The following ACSBG1 variants were observed in gnomAD, a reference collection of about 807,000 sequenced individuals.
ACSBG1 encodes long-chain-fatty-acid--CoA ligase ACSBG1.
A neutral mutation model predicts 80.2 loss-of-function variants in ACSBG1; 39 were observed. The observed-to-expected ratio is 0.49, with a 90% CI of 0.38 to 0.64. ACSBG1 has a LOEUF of 0.64. ACSBG1 is among the 30% of genes least tolerant of loss of function. The probability of loss-of-function intolerance (pLI) is 0.00; values close to 1 mark genes in which losing one functional copy is unlikely to be tolerated. For missense variants in ACSBG1, 828 were observed against 966.4 expected, an observed-to-expected ratio of 0.86 and a Z score of 1.90; for synonymous variants, 392 against 379.5, an observed-to-expected ratio of 1.03 and a Z score of -0.38.
At chr15:78,233,467 C>A (rs866244072) in intron 1 of ACSBG1, among the ~76,000 whole-genome samples, 6 of 152,178 alleles carry the variant, frequency 3.9e-5, no homozygotes, top group African/African-American at 1.2e-4. Flanking sequence ...TGGTATTTAG[C>A]CCCTGTCCTC....
At chr15:78,228,648 C>T (rs1324996498) in intron 1 of ACSBG1, among the ~76,000 whole-genome samples, 1 of 152,206 alleles carries the variant, frequency 6.6e-6, no homozygotes, top group Non-Finnish European at 1.5e-5. Flanking sequence ...TTGGTTTGCC[C>T]TAGAGACTCA....
At chr15:78,203,601 G>C (rs908243132) in intron 2 of ACSBG1, among the ~76,000 whole-genome samples, 1 of 152,198 alleles carries the variant, frequency 6.6e-6, no homozygotes, top group African/African-American at 2.4e-5. Flanking sequence ...TTATGCTGGG[G>C]GCCACTGGGC....
chr15:78,201,028 T>C (rs1052829200), intron 2 of ACSBG1, among the ~76,000 whole-genome samples: 6 of 152,194 alleles, frequency 3.9e-5, no homozygotes, highest in Non-Finnish European at 2.9e-5. Context: ...CTGCCTGCAA[T>C]GCCCTTCCCT....
Position 78,179,815 on chromosome 15 carries a change from TCACACACACACACA to T in ACSBG1, c.1254-49_1254-36del, listed in dbSNP as rs58848105. ...GAGGGAGAATGGTTCACAGAAGAAATCACACACACACACACACACACACACACATACACACATTA... is the reference window on the plus strand; with the variant it reads ...GAGGGAGAATGGTTCACAGAAGAAATCACACACACACACATACACACATTA... On this transcript the variant is annotated intron_variant, in intron 9 of 13. Transcript: ENST00000258873. The T allele has an allele frequency of 1.4e-4, 128 of 932,972 alleles. 1 individual carries two copies. In the Admixed American group the frequency reaches 1.6e-3, roughly 12 times the overall value. The allele number at this position is 932,972 out of a possible 1,614,324, so 57.8% of individuals were successfully genotyped here.
intron 2 of ACSBG1, among the ~76,000 whole-genome samples, chr15:78,195,934 A>G (rs989007451): frequency 3.3e-5 from 5 of 152,150 alleles, no homozygotes; most frequent in African/African-American, 1.2e-4. Flanking sequence ...TGACACTCTT[A>G]GGTTGCATGC....
chr15:78,192,383 AAC>A (rs893547183), intron 5 of ACSBG1, among the ~76,000 whole-genome samples: 6 of 152,122 alleles, frequency 3.9e-5, no homozygotes, highest in Non-Finnish European at 8.8e-5. Flanking sequence ...TCTGAGTTTA[AAC>A]CCTGCTCAGA....
intron 5 of ACSBG1, among the ~76,000 whole-genome samples, chr15:78,191,881 C>T (rs12438874): frequency 2.6e-5 from 4 of 152,160 alleles, no homozygotes; most frequent in African/African-American, 9.7e-5. Flanking sequence ...TTGTCTCCCC[C>T]TCCACAACCC....
At position 78,168,062 on chromosome 15, in the gene ACSBG1, A is replaced by G. The variant is rs558275627; in HGVS notation, c.*3382T>C. The G allele has an allele frequency of 1.3e-5, 2 of 152,286 alleles. No individual in the cohort carries two copies. Among genetic ancestry groups the G allele is most frequent in the Admixed American group, 1.3e-4 (2 of 15,290 alleles). 9.4% of individuals were successfully genotyped at this position (152,286 alleles called of 1,614,324 possible). On this transcript the variant is annotated 3_prime_UTR_variant, in exon 14 of 14. Transcript: ENST00000258873. The stretch of plus-strand genomic sequence containing the variant: ...AAATATATTGGGGTCTGTATGCAGG[A>G]AAGAAAGGATAAGCTGGTAGAACAG...
At chr15:78,207,745 T>C in intron 2 of ACSBG1, 1 of 510,088 alleles carries the variant, frequency 2.0e-6, no homozygotes, top group African/African-American at 1.9e-5. Context: ...TCTCTCTATC[T>C]CTGGCCTCTC....
chr15:78,194,866 G>A (rs2075098689), intron 2 of ACSBG1, 140 bp from the exon 3 acceptor site: 2 of 747,926 alleles, frequency 2.7e-6, no homozygotes. Context: ...GGGTAGACTG[G>A]GGTAGACTGG....
intron 1 of ACSBG1, among the ~76,000 whole-genome samples, chr15:78,219,979 C>T (rs183511103): frequency 8.0e-5 from 12 of 150,300 alleles, no homozygotes; most frequent in South Asian, 2.1e-4. Flanking sequence ...AGTGAGACTC[C>T]GTCTCAAAAA....
chr15:78,230,960 C>T (rs2075441596), intron 1 of ACSBG1, among the ~76,000 whole-genome samples: 1 of 152,184 alleles, frequency 6.6e-6, no homozygotes, highest in Admixed American at 6.5e-5. Flanking sequence ...ACAATGATCT[C>T]TCTGCCTTAT....
At position 78,181,744 on chromosome 15, in the gene ACSBG1, C is replaced by T. The variant is rs538891693; in HGVS notation, c.1071+225G>A. Among the ~76,000 whole-genome samples, 22 of 152,242 alleles carry T rather than the reference C, an allele frequency of 1.4e-4. No homozygotes were observed. In the South Asian group the frequency reaches 3.9e-3, roughly 27 times the overall value. ...TCCTGACCTCGTGATGTGCCTGCCT[C>T]GGCCTCCCAAAGTGCTGGGATTACA... On this transcript the variant is annotated intron_variant, in intron 8 of 13. Transcript: ENST00000258873.
At chr15:78,207,453 T>C (rs1334348746) in intron 2 of ACSBG1, among the ~76,000 whole-genome samples, 1 of 152,156 alleles carries the variant, frequency 6.6e-6, no homozygotes. Flanking sequence ...AGATGTATTA[T>C]TATTATTATT....
intron 1 of ACSBG1, chr15:78,209,078 CCTGT>C (rs71148503): frequency 4.4e-6 from 2 of 449,882 alleles, no homozygotes; most frequent in Non-Finnish European, 8.9e-6. Context: ...TCCAGGGAGC[CCTGT>C]CTGTCAGTTA....
chr15:78,178,350 G>A lies in ACSBG1; in HGVS notation c.1702+264C>T, dbSNP rs2074903947. On this transcript the variant is annotated intron_variant, in intron 11 of 13. Transcript: ENST00000258873. This position sits in a 1 kb window ranked among gnomAD's most constrained non-coding sequence, Gnocchi z 4.3. ...GTCTAGCTCTGTCTCCCAGGCTGGT[G>A]TGCAAAGAGGCAATCTCAGCTCACT... Among the ~76,000 whole-genome samples the A allele has an allele frequency of 6.6e-6, 1 of 152,128 alleles. No individual in the cohort carries two copies. The highest frequency in any genetic ancestry group is 1.5e-5 in the Non-Finnish European group (1 of 68,018).
chr15:78,214,861 A>AGGTCAATGCCAGT (rs2075294980), intron 1 of ACSBG1, among the ~76,000 whole-genome samples: 1 of 152,238 alleles, frequency 6.6e-6, no homozygotes, highest in Non-Finnish European at 1.5e-5. Context: ...CTAAACTGGT[A>AGGTCAATGCCAGT]GGTCAATGCC....
chr15:78,176,265 A>G (rs1025920267), intron 11 of ACSBG1, among the ~76,000 whole-genome samples: 24 of 152,174 alleles, frequency 1.6e-4, no homozygotes, highest in African/African-American at 5.5e-4. Context: ...GAACAAAACA[A>G]GGATGACCAC....
chr15:78,179,598 G>A lies in ACSBG1; in HGVS notation c.1436C>T (p.Thr479Ile). 3 of 1,614,184 alleles carry A rather than the reference G, an allele frequency of 1.9e-6. No homozygotes were observed. The highest frequency in any genetic ancestry group is 1.7e-6 in the Non-Finnish European group (2 of 1,180,020). The change falls in exon 10 of 14, where the codon ACC becomes ATC. Residue 479 changes from threonine to isoleucine, a missense_variant. Around this residue, in one of 3 missense-constraint regions of ACSBG1, gnomAD observed 271 missense variants for 375.9 expected, o/e 0.72. Transcript: ENST00000258873. ...ACTGGACATGAAGTGGGGGCCTGAG[G>A]TCTCACTGAGGCCGTAGCCCGCATA... Reference protein sequence around the residue: ...RLYAGYGLSETSGPHFMSSPY... With the variant: ...RLYAGYGLSEISGPHFMSSPY...
Sources: gnomAD v4.1 joint callset for allele counts (sites outside exome capture counted in the v4.1 genomes callset) on GRCh38, gnomAD v4.1.1 for gene constraint, gnomAD v4.1.1 regional missense constraint, Gnocchi (gnomAD v3.1) non-coding constraint, MANE v1.5 for transcripts, NCBI Gene and HGNC (gene_info 2026-07-23, HGNC 2026-07-21) for gene names.